OPCML: variants seen among roughly 807,000 people sequenced by gnomAD.
OPCML encodes opioid binding protein/cell adhesion molecule like.
In OPCML, 13 loss-of-function variants were observed where a neutral mutation model predicts 37.8. The ratio of observed to expected loss-of-function variants is 0.34; its 90% confidence interval spans 0.22 to 0.55. The LOEUF is 0.55. Among genes scored for constraint, OPCML ranks in the 20% least tolerant of loss-of-function variants. The probability of loss-of-function intolerance (pLI) is 0.91; values close to 1 mark genes in which losing one functional copy is unlikely to be tolerated. For missense variants in OPCML, 341 were observed against 435.6 expected (o/e 0.78, Z 1.93); for synonymous variants, 176 against 168.8 (o/e 1.04, Z -0.33).
At chr11:133,464,013 C>T (rs1205612740) in intron 1 of OPCML, among the ~76,000 whole-genome samples, 3 of 152,028 alleles carry the variant, frequency 2.0e-5, no homozygotes, top group African/African-American at 7.2e-5. Context: ...CCCATTTATG[C>T]TTTCAACATC....
chr11:132,899,077 C>A (rs1226585731), intron 2 of OPCML, among the ~76,000 whole-genome samples: 1 of 152,152 alleles, frequency 6.6e-6, no homozygotes, highest in African/African-American at 2.4e-5. Context: ...GGGAGGACTA[C>A]TAATGACCCA....
chr11:133,121,982 A>G (rs914233213), intron 1 of OPCML, among the ~76,000 whole-genome samples: 2 of 152,276 alleles, frequency 1.3e-5, no homozygotes, highest in South Asian at 2.1e-4. Context: ...CCATCTTCTT[A>G]TGATTATTTG....
chr11:133,032,683 G>T (rs1439627129), intron 1 of OPCML, among the ~76,000 whole-genome samples: 1 of 152,184 alleles, frequency 6.6e-6, no homozygotes, highest in African/African-American at 2.4e-5. Flanking sequence ...AGATCCCAAT[G>T]TAAGATACTA....
At chr11:133,243,556 G>A (rs1055225541) in intron 1 of OPCML, among the ~76,000 whole-genome samples, 21 of 152,312 alleles carry the variant, frequency 1.4e-4, no homozygotes, top group Admixed American at 1.4e-3. Context: ...TTAAGAAAAT[G>A]AGTAAAGCAG....
intron 3 of OPCML, among the ~76,000 whole-genome samples, chr11:132,600,511 C>T (rs1937779814): frequency 6.6e-6 from 1 of 152,154 alleles, no homozygotes; most frequent in African/African-American, 2.4e-5. Flanking sequence ...TTTTTTATTG[C>T]AACAAATTTG....
intron 1 of OPCML, among the ~76,000 whole-genome samples, chr11:133,440,605 T>C (rs1234562305): frequency 6.7e-6 from 1 of 149,636 alleles, no homozygotes; most frequent in East Asian, 2.0e-4. Context: ...CAGGTGCCTG[T>C]AATCCCAGCT....
chr11:133,106,191 C>A (rs529639135), intron 1 of OPCML, among the ~76,000 whole-genome samples: 23 of 152,096 alleles, frequency 1.5e-4, no homozygotes, highest in Admixed American at 3.9e-4. Flanking sequence ...ACCCATTTAA[C>A]AATAATTTTA....
At position 132,944,135 on chromosome 11, in the gene OPCML, G is replaced by T. The variant is rs1386300167; in HGVS notation, c.62-1125C>A. Among the ~76,000 whole-genome samples, 2 of 152,026 alleles carry T rather than the reference G, an allele frequency of 1.3e-5. 1 individual carries two copies. The highest frequency in any genetic ancestry group is 4.2e-4 in the South Asian group (2 of 4,792). On this transcript the variant is annotated intron_variant, in intron 1 of 7. Transcript: ENST00000524381. ...CCCACTTCGCTCCGTCCCGACACCC[G>T]CGCCAGCGGAGAGAACGCGGCGCCC...
chr11:132,929,181 G>T (rs1043630732), intron 2 of OPCML, among the ~76,000 whole-genome samples: 21 of 151,506 alleles, frequency 1.4e-4, no homozygotes, highest in African/African-American at 4.8e-4. Context: ...TCCTTAAAAT[G>T]ATAACAAAAT....
chr11:133,447,761 C>G (rs1946501456), intron 1 of OPCML, among the ~76,000 whole-genome samples: 1 of 152,156 alleles, frequency 6.6e-6, no homozygotes, highest in African/African-American at 2.4e-5. Flanking sequence ...TTTATTTATC[C>G]AGTCCACCAC....
chr11:133,114,198 C>T (rs558408757), intron 1 of OPCML, among the ~76,000 whole-genome samples: 2 of 152,252 alleles, frequency 1.3e-5, no homozygotes, highest in South Asian at 4.2e-4. Context: ...GGGCCTCCCC[C>T]TGAACTGCTC....
At chr11:133,061,081 G>T (rs1948333591) in intron 1 of OPCML, among the ~76,000 whole-genome samples, 1 of 152,158 alleles carries the variant, frequency 6.6e-6, no homozygotes, top group Admixed American at 6.6e-5. Flanking sequence ...GCTCAGGCTG[G>T]TCTTGAACTC....
chr11:132,455,450 A>G (rs2096079473), intron 4 of OPCML, among the ~76,000 whole-genome samples: 1 of 152,200 alleles, frequency 6.6e-6, no homozygotes, highest in African/African-American at 2.4e-5. Flanking sequence ...GCAGAAACAA[A>G]TAGGACTTGA....
At chr11:133,477,836 GAA>G (rs1325052689) in intron 1 of OPCML, among the ~76,000 whole-genome samples, 15 of 152,280 alleles carry the variant, frequency 9.9e-5, no homozygotes, top group Admixed American at 8.5e-4. Context: ...TTCAGAGACT[GAA>G]AAGACAGTGA....
At chr11:132,683,617 T>C (rs945700452) in intron 2 of OPCML, among the ~76,000 whole-genome samples, 1 of 152,238 alleles carries the variant, frequency 6.6e-6, no homozygotes, top group Admixed American at 6.5e-5. Context: ...AATGAGAAGT[T>C]TGTAAAAGAC....
chr11:132,599,210 C>G, intron 3 of OPCML, among the ~76,000 whole-genome samples: 1 of 152,190 alleles, frequency 6.6e-6, no homozygotes, highest in East Asian at 1.9e-4. Flanking sequence ...CGCTTGAACC[C>G]GGGAGGTGGA....
chr11:132,818,256 T>A (rs1190930820), intron 2 of OPCML, among the ~76,000 whole-genome samples: 3 of 152,182 alleles, frequency 2.0e-5, no homozygotes, highest in Admixed American at 6.5e-5. Context: ...ATTTACTTTA[T>A]CAATTTTTTA....
chr11:132,907,527 G>T (rs1235243454), intron 2 of OPCML, among the ~76,000 whole-genome samples: 2 of 151,818 alleles, frequency 1.3e-5, no homozygotes, highest in Admixed American at 6.6e-5. Context: ...GCTACTCAGG[G>T]GACTGAGGCA....
At chr11:132,915,487 A>G (rs1026598250) in intron 2 of OPCML, among the ~76,000 whole-genome samples, 5 of 152,208 alleles carry the variant, frequency 3.3e-5, no homozygotes, top group Non-Finnish European at 7.3e-5. Flanking sequence ...GTACATCCCA[A>G]GAGTTTTTCT....
Sources: gnomAD v4.1 joint callset for allele counts (sites outside exome capture counted in the v4.1 genomes callset) on GRCh38, gnomAD v4.1.1 for gene constraint, MANE v1.5 for transcripts, NCBI Gene and HGNC (gene_info 2026-07-23, HGNC 2026-07-21) for gene names.